PSMD5: variants seen among roughly 807,000 people sequenced by gnomAD.
PSMD5 encodes 26S proteasome non-ATPase regulatory subunit 5.
Under a neutral mutation model 52.1 loss-of-function variants are expected in PSMD5, and 40 were observed. The observed-to-expected ratio is 0.77, with a 90% CI of 0.60 to 1.00. The LOEUF (loss-of-function observed/expected upper bound fraction) is 1.00. Among genes scored for constraint, PSMD5 ranks in the 50% least tolerant of loss-of-function variants. The pLI, the probability that PSMD5 is intolerant of heterozygous loss-of-function variation, is 0.00. For synonymous variants in PSMD5, 211 were observed against 226.6 expected, an observed-to-expected ratio of 0.93 and a Z score of 0.62; for missense variants, 575 against 605.2, an observed-to-expected ratio of 0.95 and a Z score of 0.52.
At position 120,824,682 on chromosome 9, in the gene PSMD5, A is replaced by G. The variant is rs1254907451; in HGVS notation, c.818T>C (p.Phe273Ser). ...DPFSSFYLPG[F>S]VKFFGNLAVM... ...AGCCAGGTTTCCAAAAAACTTCACG[A>G]ATCCTAAAGAGATTTACAAAAATAT... Residue 273 changes from phenylalanine (F) to serine (S), a missense_variant, in exon 7 of 10, where the codon TTC (phenylalanine) becomes TCC (serine). Physicochemically the swap from Phe to Ser is radical, Grantham distance 155. Coordinates refer to ENST00000210313, the MANE Select transcript of PSMD5 (RefSeq NM_005047.4). 1 of 1,593,738 alleles carries G rather than the reference A, an allele frequency of 6.3e-7. No individual in the cohort carries two copies.
rs763620621 is a variant in PSMD5, at chr9:120,842,915, C to T, written c.-6G>A. 3.8e-6 allele frequency: 6 copies of T among 1,574,500 alleles called. No individual in the cohort carries two copies. The highest frequency in any genetic ancestry group is 3.4e-5 in the South Asian group (3 of 88,070). ...GCCAAAGCCTGGGCTGCCATCTTGC[C>T]CCCCGACGCAGGGGCTGGCCCAGCG... is the stretch of plus-strand genomic sequence containing the variant. On this transcript the variant is annotated 5_prime_UTR_variant, in exon 1 of 10. Coordinates refer to ENST00000210313, the MANE Select transcript of PSMD5 (RefSeq NM_005047.4).
intron 6 of PSMD5, 54 bp downstream of exon 6, chr9:120,826,711 T>C: frequency 1.9e-6 from 3 of 1,565,404 alleles, no homozygotes; most frequent in Admixed American, 1.8e-5. Context: ...ATGTCAGAGA[T>C]AACTCAGAAA....
chr9:120,837,040 C>T (rs1243374274), intron 1 of PSMD5, among the ~76,000 whole-genome samples: 2 of 152,098 alleles, frequency 1.3e-5, no homozygotes, highest in African/African-American at 2.4e-5. Context: ...CAGGTGCCTG[C>T]CACTATGCCT....
chr9:120,842,812 G>C lies in PSMD5; in HGVS notation c.98C>G (p.Pro33Arg). Residue 33 changes from proline (P) to arginine (R), a missense_variant, in exon 1 of 10, where the codon CCG becomes CGG. By Grantham distance (103) the Pro-to-Arg change is moderately radical. Coordinates refer to ENST00000210313, the MANE Select transcript of PSMD5 (RefSeq NM_005047.4). Reference sequence around the variant, plus strand: ...CGCTTGCTGGCGAAGCTCGTTGAGCGGCACTGCCTGCAGCACGGAGTGAAG... The same window carrying C: ...CGCTTGCTGGCGAAGCTCGTTGAGCCGCACTGCCTGCAGCACGGAGTGAAG... ...RALHSVLQAVPLNELRQQAAE... is the reference protein window; with the variant it reads ...RALHSVLQAVRLNELRQQAAE... The C allele has an allele frequency of 6.2e-7, 1 of 1,612,174 alleles. No individual in the cohort carries two copies. Among genetic ancestry groups the C allele is most frequent in the Non-Finnish European group, 8.5e-7 (1 of 1,179,852 alleles).
intron 1 of PSMD5, among the ~76,000 whole-genome samples, chr9:120,838,881 A>T (rs1008321642): frequency 2.0e-5 from 3 of 152,232 alleles, no homozygotes; most frequent in Non-Finnish European, 4.4e-5. Flanking sequence ...CCTAAGAGGG[A>T]TGCAGACATG....
chr9:120,819,375 T>C (rs932663532), intron 9 of PSMD5, among the ~76,000 whole-genome samples: 2 of 152,166 alleles, frequency 1.3e-5, no homozygotes, highest in Admixed American at 6.5e-5. Flanking sequence ...GAAATAAAAA[T>C]AGTTATCCCA....
chr9:120,837,302 G>A (rs1417642499), intron 1 of PSMD5, among the ~76,000 whole-genome samples: 3 of 152,198 alleles, frequency 2.0e-5, no homozygotes, highest in Non-Finnish European at 4.4e-5. Flanking sequence ...GATTACAGGC[G>A]TTAGCCACCA....
Position 120,826,812 on chromosome 9 carries a change from A to G in PSMD5, c.767T>C (p.Ile256Thr), listed in dbSNP as rs1352200785. Reference protein sequence around the residue: ...QEGVIDQISNIIVGADSDPFS... With the variant: ...QEGVIDQISNTIVGADSDPFS... ...AGGGTCTGAATCTGCCCCAACAATT[A>G]TATTAGAAATTTGGTCAATTACTCC... The change falls in exon 6 of 10, where the codon ATA becomes ACA. Residue 256 changes from isoleucine (I) to threonine (T), a missense_variant. Physicochemically the swap from Ile to Thr is moderately conservative, Grantham distance 89. Transcript: ENST00000210313. 6.2e-7 allele frequency: 1 copy of G among 1,613,914 alleles called. No individual in the cohort carries two copies. The highest frequency in any genetic ancestry group is 1.7e-5 in the Admixed American group (1 of 60,020).
In PSMD5 at chr9:120,834,238, C is replaced by A. The variant is rs148622444; in HGVS notation, c.174-782G>T. On this transcript the variant is annotated intron_variant, in intron 1 of 9. Transcript: ENST00000210313. ...CTTGTGATTCTCCCACCTCAGCCTC[C>A]CAAAGTGCTGGGATTACAGGTGTGA... Among the ~76,000 whole-genome samples the A allele has an allele frequency of 8.1e-4, 124 of 152,204 alleles. No individual in the cohort carries two copies. In the East Asian group the frequency reaches 0.022, roughly 27 times the overall value.
rs143000829 is a variant in PSMD5, at chr9:120,826,904, G to A, written c.675C>T (p.Ala225=). The change falls in exon 6 of 10, where the codon GCC becomes GCT. Residue 225 remains alanine, a synonymous_variant. Transcript: ENST00000210313. ...GTGATGTCACCATTTCTATACAGGT[G>A]GCTCTAAAATGTCAGAAGGACAAAA... is the stretch of plus-strand genomic sequence containing the variant. The part of the protein sequence containing the change: ...ELTGEDVLVR[A]TCIEMVTSLA... 6.2e-7 allele frequency: 1 copy of A among 1,606,044 alleles called. No individual in the cohort carries two copies. Among genetic ancestry groups the A allele is most frequent in the Non-Finnish European group, 8.5e-7 (1 of 1,176,080 alleles).
rs116763103 is a variant in PSMD5, at chr9:120,836,871, T to G, written c.174-3415A>C. Among the ~76,000 whole-genome samples, 834 of 151,932 alleles carry G rather than the reference T, an allele frequency of 5.5e-3. 11 individuals carry two copies. Among genetic ancestry groups the G allele is most frequent in the African/African-American group, 0.019 (786 of 41,422 alleles). ...TTTTCTTTTCATTCTCTTAACTGTA[T>G]GTAACCTTCGAAGAACCGATTTTTT... On this transcript the variant is annotated intron_variant, in intron 1 of 9. Transcript: ENST00000210313.
At chr9:120,833,122 C>A (rs1402673984) in intron 2 of PSMD5, among the ~76,000 whole-genome samples, 190 bp downstream of exon 2, 1 of 152,118 alleles carries the variant, frequency 6.6e-6, no homozygotes, top group Non-Finnish European at 1.5e-5. Context: ...TTGTATCTCC[C>A]AGGTTATAGT....
In PSMD5 at chr9:120,837,185, A is replaced by T. The variant is rs568819312; in HGVS notation, c.174-3729T>A. Among the ~76,000 whole-genome samples, 17 of 151,538 alleles carry T rather than the reference A, an allele frequency of 1.1e-4. No homozygotes were observed. In the East Asian group the frequency reaches 3.3e-3, roughly 29 times the overall value. On this transcript the variant is annotated intron_variant, in intron 1 of 9. Coordinates refer to ENST00000210313, the MANE Select transcript of PSMD5 (RefSeq NM_005047.4). Reference sequence around the variant, plus strand: ...ATTACAGGCGTTAGCCACCGCGCCCAGCCAATTTTTGTATTTTTAGTAGAG... The same window carrying T: ...ATTACAGGCGTTAGCCACCGCGCCCTGCCAATTTTTGTATTTTTAGTAGAG...
At chr9:120,839,268 A>G (rs1430757609) in intron 1 of PSMD5, among the ~76,000 whole-genome samples, 1 of 152,238 alleles carries the variant, frequency 6.6e-6, no homozygotes, top group East Asian at 1.9e-4. Flanking sequence ...GGATGGAAAT[A>G]TACTGTAAAG....
chr9:120,817,749 A>G lies in PSMD5; in HGVS notation c.*157T>C, dbSNP rs775839628. ...ACTCCTAGTTCCACTTTGCATTTCAATGTAGAAATATAACAGTGTTGGTAA... is the reference window on the plus strand; with the variant it reads ...ACTCCTAGTTCCACTTTGCATTTCAGTGTAGAAATATAACAGTGTTGGTAA... On this transcript the variant is annotated 3_prime_UTR_variant, in exon 10 of 10. Coordinates refer to ENST00000210313, the MANE Select transcript of PSMD5 (RefSeq NM_005047.4). 1.0e-5 allele frequency: 9 copies of G among 863,476 alleles called. No homozygotes were observed. Among genetic ancestry groups the G allele is most frequent in the East Asian group, 2.6e-5 (1 of 39,214 alleles). The allele number at this position is 863,476 out of a possible 1,614,324, so 53.5% of individuals were successfully genotyped here. A position where few individuals can be genotyped will look rare whatever the true frequency, so the allele number is the denominator to read the frequency against.
intron 1 of PSMD5, among the ~76,000 whole-genome samples, chr9:120,834,242 A>C (rs191552585): frequency 6.6e-6 from 1 of 152,154 alleles, no homozygotes; most frequent in East Asian, 1.9e-4. Context: ...AGCCTCCCAA[A>C]GTGCTGGGAT....
Position 120,834,008 on chromosome 9 carries a change from CTCGCTCTGTTGCCCA to C in PSMD5, c.174-567_174-553del, listed in dbSNP as rs1349237099. Among the ~76,000 whole-genome samples the C allele has an allele frequency of 3.7e-5, 4 of 107,450 alleles. No individual in the cohort carries two copies. The East Asian group carries it at 1.3e-3, about 34-fold the overall frequency. The allele number at this position is 107,450 out of a possible 152,430, so 70.5% of individuals were successfully genotyped here. The stretch of plus-strand genomic sequence containing the variant: ...TTTTTTTTTTTTTTTGAGACAGAGT[CTCGCTCTGTTGCCCA>C]GGCTGGAGTACAGTGGCACGATCTC... On this transcript the variant is annotated intron_variant, in intron 1 of 9. Coordinates refer to ENST00000210313, the MANE Select transcript of PSMD5 (RefSeq NM_005047.4).
At chr9:120,823,424 G>C (rs1453153966) in intron 7 of PSMD5, among the ~76,000 whole-genome samples, 1 of 151,374 alleles carries the variant, frequency 6.6e-6, no homozygotes, top group South Asian at 2.1e-4. Context: ...GGCCAGGCTG[G>C]TCTCGAGCTC....
Position 120,831,338 on chromosome 9 carries a change from A to C in PSMD5, c.554T>G (p.Val185Gly). ...MKTNDIVRYR[V>G]YELIIEISSV... ...GTGTGCTTTTTATCTTACCTCATAC[A>C]CCCTGTATCGAACAATGTCATTTGT... The change falls in exon 4 of 10, where the codon GTG (valine) becomes GGG (glycine). Residue 185 changes from valine (V) to glycine (G), a missense_variant. Val to Gly is a moderately radical substitution (Grantham distance 109, BLOSUM62 -3). Transcript: ENST00000210313. The C allele has an allele frequency of 6.2e-7, 1 of 1,603,882 alleles. No homozygotes were observed. Among genetic ancestry groups the C allele is most frequent in the Non-Finnish European group, 8.5e-7 (1 of 1,176,924 alleles).
Sources: allele counts gnomAD v4.1 joint callset (sites outside exome capture counted in the v4.1 genomes callset), GRCh38; gene constraint gnomAD v4.1.1; transcripts MANE v1.5; gene names NCBI Gene and HGNC (gene_info 2026-07-23, HGNC 2026-07-21).